Variants in PARP4 observed in about 807,000 individuals in gnomAD.
PARP4 encodes the protein poly(ADP-ribose) polymerase family member 4.
PARP4 carries 120 observed loss-of-function variants against 187.7 expected under a neutral mutation model. The observed-to-expected ratio is 0.64, with a 90% CI of 0.55 to 0.74. The LOEUF (loss-of-function observed/expected upper bound fraction) is 0.74. Ranked by LOEUF, PARP4 falls within the 30% of genes least tolerant of loss-of-function variation. The probability of loss-of-function intolerance (pLI) is 0.00; values close to 1 mark genes in which losing one functional copy is unlikely to be tolerated. For synonymous variants in PARP4, 654 were observed against 740.9 expected (o/e 0.88, Z 1.90); for missense variants, 1,836 against 2,070.5 (o/e 0.89, Z 2.20).
At chr13:24,426,787 G>A (rs1870075435) in intron 32 of PARP4, among the ~76,000 whole-genome samples, 189 bp from the exon 33 acceptor site, 1 of 150,870 alleles carries the variant, frequency 6.6e-6, no homozygotes, top group Non-Finnish European at 1.5e-5. Context: ...AGCTACTCGG[G>A]AGGCTGAGGC....
At chr13:24,493,258 A>G (rs3783072) in intron 8 of PARP4, among the ~76,000 whole-genome samples, 79,102 of 152,050 alleles carry the variant, frequency 0.52, 20,792 homozygotes, top group South Asian at 0.66. Context: ...ACTGCGGTTA[A>G]GGCATCTGAC....
chr13:24,502,871 A>C (rs1230993208), intron 2 of PARP4, among the ~76,000 whole-genome samples: 1 of 152,238 alleles, frequency 6.6e-6, no homozygotes, highest in Non-Finnish European at 1.5e-5. Flanking sequence ...ATTCAGCTGG[A>C]GTTGAACACG....
rs532695864 is a variant in PARP4 at position 24,494,573 on chromosome 13, T to C, written c.741A>G (p.Ala247=). Reference sequence around the variant, plus strand: ...CAAAAAAATTATAAATCAATCTCACTGCTTGCAATTGTTCAGATGCTAATT... The same window carrying C: ...CAAAAAAATTATAAATCAATCTCACCGCTTGCAATTGTTCAGATGCTAATT... ...ATQLASEQLQ[A]LLLEEVMNSS... is the part of the protein sequence containing the mutation. The change falls in exon 7 of 34, where the codon GCA becomes GCG. Residue 247 remains alanine, a splice_region_variant and synonymous_variant. Transcript: ENST00000381989. The C allele has an allele frequency of 3.7e-5, 59 of 1,601,380 alleles. No individual in the cohort carries two copies. The South Asian group carries it at 6.3e-4, about 17-fold the overall frequency.
At chr13:24,431,793 C>T (rs767603597) in intron 31 of PARP4, among the ~76,000 whole-genome samples, 3 of 152,226 alleles carry the variant, frequency 2.0e-5, no homozygotes, top group Non-Finnish European at 4.4e-5. Flanking sequence ...TCTTCATACA[C>T]TAGTGACATA....
In PARP4 at chr13:24,494,653, C is replaced by T; in HGVS notation, c.661G>A (p.Glu221Lys). ...ASEYFENYIE[E>K]LKKQGFLLRE... The stretch of plus-strand genomic sequence containing the variant: ...AGTAGAAATCCTTGTTTCTTCAGTT[C>T]TTCAATGTAATTTTCAAAGTATTCA... Residue 221 changes from glutamate (E) to lysine (K), a missense_variant, in exon 7 of 34, where the codon GAA becomes AAA. By Grantham distance (56) the Glu-to-Lys change is moderately conservative. This residue lies in a region of PARP4 where 1,147 missense variants were observed against 1,214.2 expected (regional missense o/e 0.94). Transcript: ENST00000381989. 1 of 1,609,426 alleles carries T rather than the reference C, an allele frequency of 6.2e-7. No individual in the cohort carries two copies. The highest frequency in any genetic ancestry group is 8.5e-7 in the Non-Finnish European group (1 of 1,176,206).
chr13:24,484,631 T>C (rs1392089817), intron 12 of PARP4, 22 bp downstream of exon 12: 1 of 1,514,628 alleles, frequency 6.6e-7, no homozygotes. Flanking sequence ...GTAACGATTC[T>C]GTGATTAAGG....
chr13:24,494,207 T>C (rs1349889927), intron 7 of PARP4, among the ~76,000 whole-genome samples: 1 of 152,224 alleles, frequency 6.6e-6, no homozygotes, highest in Non-Finnish European at 1.5e-5. Flanking sequence ...CATTTATTTA[T>C]TTACTTGAGA....
rs752474033 is a variant in PARP4, at chr13:24,435,415, T to C, written c.3726A>G (p.Lys1242=). The change falls in exon 31 of 34, where the codon AAA becomes AAG. Residue 1242 remains lysine, a synonymous_variant. Coordinates refer to ENST00000381989, the MANE Select transcript of PARP4 (RefSeq NM_006437.4). ...CCATTTTTCTTTTGGAAAATGGAAT[T>C]TTCCTATGTTTTCGTTTGGATAAAC... ...ELRLSKRKHR[K]IPFSKRKMEL... is the part of the protein sequence containing the mutation. 4.3e-6 allele frequency: 7 copies of C among 1,611,176 alleles called. No homozygotes were observed. In the African/African-American group the frequency reaches 6.7e-5, roughly 15 times the overall value.
Position 24,464,648 on chromosome 13 carries a change from G to A in PARP4, c.2133+4376C>T, listed in dbSNP as rs537816376. On this transcript the variant is annotated intron_variant, in intron 17 of 33. Transcript: ENST00000381989. ...CTTAAACTTACACAAAAAATAACTCGATACGGACTAAAGACTTAAATATAA... is the reference window on the plus strand; with the variant it reads ...CTTAAACTTACACAAAAAATAACTCAATACGGACTAAAGACTTAAATATAA... Among the ~76,000 whole-genome samples the A allele has an allele frequency of 2.1e-4, 32 of 152,052 alleles. 1 individual carries two copies. The South Asian group carries it at 6.6e-3, about 32-fold the overall frequency.
At position 24,434,799 on chromosome 13, in the gene PARP4, TG is replaced by T; in HGVS notation, c.4341del (p.Ile1448SerfsTer24). On this transcript the variant is annotated frameshift_variant, in exon 31 of 34. Transcript: ENST00000381989. LOFTEE classifies it high-confidence loss of function. ...LHFSLPTDPD[P>X]IRGFGSYHPS... ...GGATGATAAGACCCAAAACCTCTGA[TG>T]GGATCAGGGTCTGTAGGAAGAGAGA... 6.2e-7 allele frequency: 1 copy of T among 1,612,670 alleles called. No individual in the cohort carries two copies. Among genetic ancestry groups the T allele is most frequent in the East Asian group, 2.2e-5 (1 of 44,846 alleles).
At chr13:24,472,332 A>G (rs1478811164) in intron 15 of PARP4, among the ~76,000 whole-genome samples, 1 of 152,150 alleles carries the variant, frequency 6.6e-6, no homozygotes, top group Non-Finnish European at 1.5e-5. Context: ...GGGTCTTTTC[A>G]AAGTCTATGA....
intron 12 of PARP4, among the ~76,000 whole-genome samples, chr13:24,484,355 T>C (rs1439914262): frequency 2.6e-5 from 4 of 152,104 alleles, no homozygotes; most frequent in African/African-American, 9.7e-5. Context: ...AATTTTTTTG[T>C]AGAGATAGGG....
In PARP4 at chr13:24,500,411, T is replaced by C; in HGVS notation, c.335-29A>G. The C allele has an allele frequency of 2.7e-6, 4 of 1,456,702 alleles. No homozygotes were observed. The South Asian group carries it at 3.6e-5, about 13-fold the overall frequency. The allele number at this position is 1,456,702 out of a possible 1,614,324, so 90.2% of individuals were successfully genotyped here. A position where few individuals can be genotyped will look rare whatever the true frequency, so the allele number is the denominator to read the frequency against. ...GAATTAAAAGCAAACAGCACACTTG[T>C]TTACTGCCCAAAGACTTACTATAAT... On this transcript the variant is annotated intron_variant, in intron 3 of 33. Transcript: ENST00000381989.
At chr13:24,506,013 G>C (rs1869633929) in intron 1 of PARP4, among the ~76,000 whole-genome samples, 1 of 152,214 alleles carries the variant, frequency 6.6e-6, no homozygotes, top group African/African-American at 2.4e-5. Flanking sequence ...CACTCCTACA[G>C]GCCAGAGGCC....
intron 11 of PARP4, among the ~76,000 whole-genome samples, 181 bp downstream of exon 11, chr13:24,485,987 A>G (rs369865085): frequency 6.6e-6 from 1 of 152,168 alleles, no homozygotes; most frequent in African/African-American, 2.4e-5. Flanking sequence ...CCTGGCCATA[A>G]ATATGTAATT....
At chr13:24,494,911 G>A (rs148377295) in intron 6 of PARP4, among the ~76,000 whole-genome samples, 189 bp from the exon 7 acceptor site, 3,787 of 146,618 alleles carry the variant, frequency 0.026, 90 homozygotes, top group African/African-American at 0.071. Flanking sequence ...TTGCTCTGTC[G>A]CCCAGACTGG....
At chr13:24,467,657 T>C (rs539420690) in intron 17 of PARP4, among the ~76,000 whole-genome samples, 7 of 152,322 alleles carry the variant, frequency 4.6e-5, no homozygotes, top group African/African-American at 1.7e-4. Flanking sequence ...ATGAGAACAT[T>C]ATAGTCACAA....
chr13:24,434,815 A>T lies in PARP4; in HGVS notation c.4326T>A (p.Pro1442=), dbSNP rs141825010. The T allele has an allele frequency of 6.2e-7, 1 of 1,613,342 alleles. No homozygotes were observed. The highest frequency in any genetic ancestry group is 2.2e-5 in the East Asian group (1 of 44,846). ...AACCTCTGATGGGATCAGGGTCTGT[A>T]GGAAGAGAGAAATGAAGCTGGGGAG... ...LDSPQLHFSL[P]TDPDPIRGFG... The change falls in exon 31 of 34, where the codon CCT becomes CCA. Residue 1442 remains proline (P), a synonymous_variant. Coordinates refer to ENST00000381989, the MANE Select transcript of PARP4 (RefSeq NM_006437.4).
Position 24,446,960 on chromosome 13 carries a change from A to G in PARP4, c.3285+56T>C, listed in dbSNP as rs567998360. On this transcript the variant is annotated intron_variant, in intron 26 of 33. Coordinates refer to ENST00000381989, the MANE Select transcript of PARP4 (RefSeq NM_006437.4). Reference sequence around the variant, plus strand: ...AAGGGGAGGGAAGAAGACAGAAAAAAAATTAGCAAAATATATTGGTCTTCC... The same window carrying G: ...AAGGGGAGGGAAGAAGACAGAAAAAGAATTAGCAAAATATATTGGTCTTCC... 9.8e-6 allele frequency: 15 copies of G among 1,532,704 alleles called. No homozygotes were observed. In the South Asian group the frequency reaches 1.7e-4, roughly 17 times the overall value. 94.9% of individuals were successfully genotyped at this position (1,532,704 alleles called of 1,614,324 possible).
Sources: gnomAD v4.1 joint callset for allele counts (sites outside exome capture counted in the v4.1 genomes callset) on GRCh38, gnomAD v4.1.1 for gene constraint, gnomAD v4.1.1 regional missense constraint, MANE v1.5 for transcripts, NCBI Gene and HGNC (gene_info 2026-07-23, HGNC 2026-07-21) for gene names.